Variants in HS3ST5 observed in about 807,000 individuals in gnomAD.
HS3ST5 encodes heparan sulfate glucosamine 3-O-sulfotransferase 5.
HS3ST5 carries 10 observed loss-of-function variants against 25.4 expected under a neutral mutation model. The ratio of observed to expected loss-of-function variants is 0.39; its 90% CI spans 0.24 to 0.67. HS3ST5 has a LOEUF of 0.67. Among genes scored for constraint, HS3ST5 ranks in the 30% least tolerant of loss-of-function variants. The pLI, the probability that HS3ST5 is intolerant of heterozygous loss-of-function variation, is 0.44. For missense variants in HS3ST5, 324 were observed against 420.7 expected, an observed-to-expected ratio of 0.77 and a Z score of 2.01; for synonymous variants, 170 against 162.4, an observed-to-expected ratio of 1.05 and a Z score of -0.36.
intron 1 of HS3ST5, among the ~76,000 whole-genome samples, chr6:114,309,478 C>T (rs1185136470): frequency 6.6e-6 from 1 of 152,114 alleles, no homozygotes; most frequent in Non-Finnish European, 1.5e-5. Flanking sequence ...TTTGGGATGC[C>T]AAGGCAGGCA....
intron 1 of HS3ST5, among the ~76,000 whole-genome samples, chr6:114,333,094 T>C (rs748099551): frequency 3.9e-5 from 6 of 152,086 alleles, no homozygotes; most frequent in African/African-American, 1.4e-4. Context: ...TTGAAGAGGA[T>C]GGAGATCCAA....
At chr6:114,323,483 T>C (rs1170636996) in intron 1 of HS3ST5, among the ~76,000 whole-genome samples, 1 of 152,116 alleles carries the variant, frequency 6.6e-6, no homozygotes, top group Admixed American at 6.6e-5. Context: ...GCAGGGATCA[T>C]GAAATTTTGG....
intron 1 of HS3ST5, among the ~76,000 whole-genome samples, chr6:114,308,727 C>T (rs1156241106): frequency 6.6e-6 from 1 of 152,116 alleles, no homozygotes; most frequent in East Asian, 1.9e-4. Flanking sequence ...GCCCCAGCAC[C>T]CAGTCCCAGG....
At chr6:114,139,200 T>A (rs1460039729) in intron 3 of HS3ST5, among the ~76,000 whole-genome samples, 1 of 151,902 alleles carries the variant, frequency 6.6e-6, no homozygotes, top group East Asian at 1.9e-4. Flanking sequence ...ACTGAAGGAG[T>A]GTTTGGTTTC....
At chr6:114,295,990 CA>C (rs1457653145) in intron 1 of HS3ST5, among the ~76,000 whole-genome samples, 1 of 152,136 alleles carries the variant, frequency 6.6e-6, no homozygotes, top group Non-Finnish European at 1.5e-5. Flanking sequence ...AGTAGCTAAC[CA>C]TACAGAATGT....
chr6:114,213,478 C>T (rs1781611247), intron 2 of HS3ST5, among the ~76,000 whole-genome samples: 1 of 152,130 alleles, frequency 6.6e-6, no homozygotes, highest in Admixed American at 6.5e-5. Context: ...CTCTGCCTTT[C>T]TCGGTCTAGT....
chr6:114,229,087 G>A (rs1562245535), intron 1 of HS3ST5, among the ~76,000 whole-genome samples: 1 of 152,102 alleles, frequency 6.6e-6, no homozygotes, highest in Non-Finnish European at 1.5e-5. Flanking sequence ...GAATTTCTAA[G>A]TCAGGTTGAT....
intron 1 of HS3ST5, among the ~76,000 whole-genome samples, chr6:114,316,630 T>G (rs1775758331): frequency 6.6e-6 from 1 of 152,130 alleles, no homozygotes; most frequent in Non-Finnish European, 1.5e-5. Flanking sequence ...GAAGAGTAAC[T>G]CACATTATAC....
At chr6:114,191,606 C>G (rs1780504452) in intron 2 of HS3ST5, among the ~76,000 whole-genome samples, 1 of 152,116 alleles carries the variant, frequency 6.6e-6, no homozygotes, top group Admixed American at 6.6e-5. Flanking sequence ...ATTTCTGTTT[C>G]AGCATTAAGT....
intron 3 of HS3ST5, among the ~76,000 whole-genome samples, chr6:114,161,200 G>A (rs1224860889): frequency 2.0e-5 from 3 of 151,494 alleles, no homozygotes; most frequent in African/African-American, 4.8e-5. Context: ...AACGGCCTTC[G>A]TGGAGACCTA....
At chr6:114,242,016 T>C (rs1471521397) in intron 1 of HS3ST5, among the ~76,000 whole-genome samples, 2 of 152,232 alleles carry the variant, frequency 1.3e-5, no homozygotes, top group East Asian at 3.8e-4. Context: ...TCTTTATGTC[T>C]AGACTGTACT....
intron 1 of HS3ST5, among the ~76,000 whole-genome samples, chr6:114,270,637 G>A (rs969100447): frequency 1.3e-5 from 2 of 152,112 alleles, no homozygotes; most frequent in African/African-American, 2.4e-5. Context: ...TCTATGCAGC[G>A]TGAACTTGGG....
chr6:114,325,808 A>T (rs1447688841), intron 1 of HS3ST5, among the ~76,000 whole-genome samples: 1 of 151,964 alleles, frequency 6.6e-6, no homozygotes, highest in African/African-American at 2.4e-5. Flanking sequence ...GCATTTTCAG[A>T]CCCTTTTCCC....
chr6:114,137,399 T>G (rs1316043565), intron 3 of HS3ST5, among the ~76,000 whole-genome samples: 1 of 152,222 alleles, frequency 6.6e-6, no homozygotes, highest in Non-Finnish European at 1.5e-5. Flanking sequence ...TGTAAGATCT[T>G]CTGTAGTCTC....
intron 3 of HS3ST5, among the ~76,000 whole-genome samples, chr6:114,161,800 A>T (rs1488535079): frequency 6.6e-6 from 1 of 151,132 alleles, no homozygotes; most frequent in Non-Finnish European, 1.5e-5. Flanking sequence ...GCATTTTTCC[A>T]CTTGGAAAGT....
chr6:114,088,960 G>T (rs1562192223), intron 3 of HS3ST5: 2 of 152,248 alleles, frequency 1.3e-5, no homozygotes, highest in African/African-American at 2.4e-5. Flanking sequence ...GGCTGGAGAA[G>T]TTAAGAGACC....
intron 3 of HS3ST5, among the ~76,000 whole-genome samples, chr6:114,161,387 C>G (rs937693135): frequency 6.7e-5 from 10 of 148,862 alleles, no homozygotes; most frequent in African/African-American, 2.5e-4. Flanking sequence ...ATGTTTTGCT[C>G]TATACTAGAT....
At chr6:114,298,443 A>G (rs1388496486) in intron 1 of HS3ST5, among the ~76,000 whole-genome samples, 1 of 152,242 alleles carries the variant, frequency 6.6e-6, no homozygotes, top group African/African-American at 2.4e-5. Context: ...TAATTAGTTT[A>G]CCTATAATAT....
intron 2 of HS3ST5, among the ~76,000 whole-genome samples, chr6:114,181,884 A>G (rs9384894): frequency 2.7e-4 from 41 of 150,098 alleles, no homozygotes; most frequent in Non-Finnish European, 4.9e-4. Flanking sequence ...GTATGTGAGT[A>G]TGTGTGTGTG....
Sources: gnomAD v4.1 joint callset for allele counts (sites outside exome capture counted in the v4.1 genomes callset) on GRCh38, gnomAD v4.1.1 for gene constraint, MANE v1.5 for transcripts, NCBI Gene and HGNC (gene_info 2026-07-23, HGNC 2026-07-21) for gene names.